SYNE2: variants seen among roughly 807,000 people sequenced by gnomAD.
The protein encoded by SYNE2 is spectrin repeat containing nuclear envelope protein 2, also known as nesprin-2.
In SYNE2, 431 loss-of-function variants were observed where a neutral mutation model predicts 856.3. The observed-to-expected ratio is 0.50, with a 90% confidence interval of 0.47 to 0.55. The LOEUF (loss-of-function observed/expected upper bound fraction) is 0.55, where lower values mean the gene tolerates loss of function less well. SYNE2 is among the 20% of genes least tolerant of loss of function. The probability of loss-of-function intolerance (pLI) is 0.00; values close to 1 mark genes in which losing one functional copy is unlikely to be tolerated. For synonymous variants in SYNE2, 2,923 were observed against 2,872.3 expected (o/e 1.02, Z -0.56); for missense variants, 8,129 against 8,023.2 (o/e 1.01, Z -0.50).
intron 99 of SYNE2, 90 bp downstream of exon 99, chr14:64,190,327 T>C (rs774865500): frequency 7.1e-6 from 11 of 1,543,562 alleles, no homozygotes; most frequent in Non-Finnish European, 9.8e-6. Context: ...TCTAAGATGA[T>C]CCAGCAATTT....
chr14:64,027,255 A>G (rs2096987886), intron 42 of SYNE2, among the ~76,000 whole-genome samples: 2 of 152,208 alleles, frequency 1.3e-5, no homozygotes, highest in South Asian at 2.1e-4. Context: ...TCTCTGGTCA[A>G]ATTATGTAAC....
At chr14:64,077,150 A>AT (rs2097468802) in intron 54 of SYNE2, among the ~76,000 whole-genome samples, 1 of 152,120 alleles carries the variant, frequency 6.6e-6, no homozygotes, top group Admixed American at 6.6e-5. Context: ...AACAGCAACT[A>AT]ATTTTTATTG....
intron 76 of SYNE2, among the ~76,000 whole-genome samples, chr14:64,131,477 C>T (rs1839426292): frequency 6.6e-6 from 1 of 152,234 alleles, no homozygotes; most frequent in South Asian, 2.1e-4. Context: ...GGAGACCTGT[C>T]TTTCGAATAT....
At chr14:63,856,387 A>G (rs1891734723) in intron 1 of SYNE2, among the ~76,000 whole-genome samples, 1 of 152,190 alleles carries the variant, frequency 6.6e-6, no homozygotes, top group Non-Finnish European at 1.5e-5. Context: ...TCTGACCACT[A>G]TGTCAAAATC....
At chr14:63,922,540 C>T (rs1041569249) in intron 2 of SYNE2, among the ~76,000 whole-genome samples, 8 of 152,184 alleles carry the variant, frequency 5.3e-5, no homozygotes, top group South Asian at 4.1e-4. Context: ...CAGTGGCTCA[C>T]GTGTATAATC....
In SYNE2 at chr14:64,053,018, T is replaced by G; in HGVS notation, c.9105T>G (p.Ile3035Met). ...FEKEKELEEK[I>M]KQLDTFEEEH... ...AAGAAAAGGAACTTGAAGAAAAAATTAAGCAGTTGGACACATTTGAGGAAG... is the reference window on the plus strand; with the variant it reads ...AAGAAAAGGAACTTGAAGAAAAAATGAAGCAGTTGGACACATTTGAGGAAG... Residue 3035 changes from isoleucine to methionine, a missense_variant, in exon 48 of 116, where the codon ATT (isoleucine) becomes ATG (methionine). Ile to Met is a conservative substitution (Grantham distance 10). This residue lies in a region of SYNE2 where 5,410 missense variants were observed against 5,284.8 expected (regional missense o/e 1.02). Transcript: ENST00000555002. 1 of 1,612,320 alleles carries G rather than the reference T, an allele frequency of 6.2e-7. No homozygotes were observed. The highest frequency in any genetic ancestry group is 8.5e-7 in the Non-Finnish European group (1 of 1,179,702).
At chr14:63,852,256 T>C (rs965727348), upstream of SYNE2, among the ~76,000 whole-genome samples, 3 of 152,156 alleles carry the variant, frequency 2.0e-5, no homozygotes, top group Non-Finnish European at 4.4e-5. Flanking sequence ...AATACGGTAA[T>C]CACAGCGCTA....
chr14:64,209,344 C>A lies in SYNE2; in HGVS notation c.18390-84C>A. ...GGTAACAGGGTCTCCCCCACTAAAC[C>A]GTGCGGGTGTCAGGGGATAAAAGAA... On this transcript the variant is annotated intron_variant, in intron 101 of 115. Transcript: ENST00000555002. The A allele has an allele frequency of 1.9e-6, 3 of 1,606,928 alleles. No individual in the cohort carries two copies. The South Asian group carries it at 3.3e-5, about 18-fold the overall frequency.
intron 2 of SYNE2, among the ~76,000 whole-genome samples, chr14:63,911,891 G>A (rs779705814): frequency 5.3e-5 from 8 of 152,150 alleles, no homozygotes; most frequent in African/African-American, 1.4e-4. Flanking sequence ...TTGAATTATC[G>A]TAGGTTATAC....
intron 83 of SYNE2, among the ~76,000 whole-genome samples, chr14:64,145,692 G>A (rs1016732365): frequency 2.6e-5 from 4 of 152,072 alleles, no homozygotes; most frequent in African/African-American, 9.7e-5. Context: ...GATATTGGTA[G>A]AAATTTTAAG....
At chr14:63,955,736 T>C (rs2096233739) in intron 8 of SYNE2, among the ~76,000 whole-genome samples, 1 of 152,230 alleles carries the variant, frequency 6.6e-6, no homozygotes, top group South Asian at 2.1e-4. Flanking sequence ...TTAAGGAATA[T>C]GTATTATTTT....
chr14:64,175,937 T>G (rs1243844048), intron 95 of SYNE2, among the ~76,000 whole-genome samples: 2 of 152,264 alleles, frequency 1.3e-5, no homozygotes, highest in Non-Finnish European at 2.9e-5. Context: ...AAACATTTGT[T>G]AAGCATCTGC....
intron 45 of SYNE2, among the ~76,000 whole-genome samples, chr14:64,038,082 A>G (rs2097111971): frequency 6.7e-6 from 1 of 150,002 alleles, no homozygotes. Flanking sequence ...CTCACTTCTC[A>G]GACGGGGCGG....
rs764793516 is a variant in SYNE2, at chr14:64,219,312, A to G, written c.19762A>G (p.Thr6588Ala). Residue 6588 changes from threonine to alanine, a missense_variant, in exon 110 of 116, where the codon ACT becomes GCT. Physicochemically the swap from Thr to Ala is moderately conservative, Grantham distance 58. Transcript: ENST00000555002. ...QLNSDISAIT[T>A]WLKKTEAELE... ...GAACTCTGATATCAGCGCCATCACT[A>G]CTTGGCTGAAAAAAACTGAAGCAGA... The G allele has an allele frequency of 6.2e-7, 1 of 1,613,768 alleles. No homozygotes were observed. Among genetic ancestry groups the G allele is most frequent in the Non-Finnish European group, 8.5e-7 (1 of 1,179,946 alleles).
chr14:64,057,207 T>C (rs1012963380), intron 49 of SYNE2, among the ~76,000 whole-genome samples: 1 of 152,140 alleles, frequency 6.6e-6, no homozygotes, highest in African/African-American at 2.4e-5. Flanking sequence ...GTGCTATCAA[T>C]ACTAGATCTT....
chr14:64,214,292 G>A lies in SYNE2; in HGVS notation c.19155G>A (p.Glu6385=). The change falls in exon 106 of 116, where the codon GAG becomes GAA. Residue 6385 remains glutamate (E), a synonymous_variant. Coordinates refer to ENST00000555002, the MANE Select transcript of SYNE2 (RefSeq NM_182914.3). ...TDSWRKRGES[E]EPSSPQSLCH... ...CTTGGCGTAAACGGGGAGAGAGCGAGGAACCGTCATCTCCTCAGTCCCTGT... is the reference window on the plus strand; with the variant it reads ...CTTGGCGTAAACGGGGAGAGAGCGAAGAACCGTCATCTCCTCAGTCCCTGT... 1 of 1,614,104 alleles carries A rather than the reference G, an allele frequency of 6.2e-7. No individual in the cohort carries two copies. The highest frequency in any genetic ancestry group is 1.7e-5 in the Admixed American group (1 of 60,006).
At chr14:63,829,775 C>T (rs1350177354) in intron 1 of SYNE2, among the ~76,000 whole-genome samples, 1 of 151,930 alleles carries the variant, frequency 6.6e-6, no homozygotes, top group Non-Finnish European at 1.5e-5. Flanking sequence ...CATGCACTGC[C>T]CCAGATAATT....
At chr14:63,901,912 G>T (rs764189944) in intron 1 of SYNE2, among the ~76,000 whole-genome samples, 2 of 152,144 alleles carry the variant, frequency 1.3e-5, no homozygotes, top group South Asian at 2.1e-4. Context: ...GTGACAGAAT[G>T]AAAACTTGTC....
chr14:64,168,292 T>G (rs1378625573), intron 92 of SYNE2, among the ~76,000 whole-genome samples: 1 of 152,150 alleles, frequency 6.6e-6, no homozygotes, highest in Non-Finnish European at 1.5e-5. Context: ...TTAGTAGAGA[T>G]GGGGTTCACC....
Sources: gnomAD v4.1 joint callset for allele counts (sites outside exome capture counted in the v4.1 genomes callset) on GRCh38, gnomAD v4.1.1 for gene constraint, gnomAD v4.1.1 regional missense constraint, MANE v1.5 for transcripts, NCBI Gene and HGNC (gene_info 2026-07-23, HGNC 2026-07-21) for gene names.